Variants in MAP4K4 observed in about 807,000 individuals in gnomAD.
The protein encoded by MAP4K4 is mitogen-activated protein kinase kinase kinase kinase 4, also known as HPK/GCK-like kinase HGK.
In MAP4K4, 38 loss-of-function variants were observed where a neutral mutation model predicts 189.6. The ratio of observed to expected loss-of-function variants is 0.20; its 90% CI spans 0.15 to 0.26. The LOEUF is 0.26. Among genes scored for constraint, MAP4K4 ranks in the 10% least tolerant of loss-of-function variants. MAP4K4 has a pLI of 1.00. For missense variants in MAP4K4, 1,054 were observed against 1,726.9 expected, an observed-to-expected ratio of 0.61 and a Z score of 6.91; for synonymous variants, 610 against 624.3, an observed-to-expected ratio of 0.98 and a Z score of 0.34.
intron 18 of MAP4K4, among the ~76,000 whole-genome samples, chr2:101,865,755 C>T (rs1178175352): frequency 2.0e-5 from 3 of 152,172 alleles, no homozygotes; most frequent in Admixed American, 2.0e-4. Flanking sequence ...CATCACTGAA[C>T]CTCTAAAGTT....
chr2:101,834,286 C>T (rs890711512), intron 7 of MAP4K4, 123 bp from the exon 8 acceptor site: 58 of 519,982 alleles, frequency 1.1e-4, no homozygotes, highest in Non-Finnish European at 2.0e-4. Context: ...TGTGCTTGTA[C>T]TTTTAATTTT....
chr2:101,715,495 C>G (rs927919113), intron 2 of MAP4K4, among the ~76,000 whole-genome samples: 14 of 152,092 alleles, frequency 9.2e-5, no homozygotes, highest in African/African-American at 3.4e-4. Flanking sequence ...GGTAGAATAT[C>G]CCTTATCTGA....
At chr2:101,723,143 C>A (rs1574258848) in intron 2 of MAP4K4, among the ~76,000 whole-genome samples, 1 of 152,194 alleles carries the variant, frequency 6.6e-6, no homozygotes, top group Non-Finnish European at 1.5e-5. Flanking sequence ...ATCACGAGAA[C>A]AGCATGTGGG....
intron 3 of MAP4K4, among the ~76,000 whole-genome samples, chr2:101,804,806 G>GT (rs2094749665): frequency 6.6e-6 from 1 of 152,058 alleles, no homozygotes; most frequent in Non-Finnish European, 1.5e-5. Flanking sequence ...TTTGGGCCGG[G>GT]TGCGGTGGCT....
chr2:101,813,166 A>G (rs2095533340), intron 3 of MAP4K4, among the ~76,000 whole-genome samples: 1 of 152,220 alleles, frequency 6.6e-6, no homozygotes, highest in African/African-American at 2.4e-5. Flanking sequence ...TATATTATTG[A>G]CTTCCACTAT....
chr2:101,771,969 G>A (rs1319594515), intron 2 of MAP4K4, among the ~76,000 whole-genome samples: 2 of 152,160 alleles, frequency 1.3e-5, no homozygotes, highest in African/African-American at 4.8e-5. Flanking sequence ...TGTGGTCTAT[G>A]GTGGGTCAGC....
chr2:101,789,244 A>G (rs1345209786), intron 2 of MAP4K4, among the ~76,000 whole-genome samples: 1 of 152,244 alleles, frequency 6.6e-6, no homozygotes, highest in Non-Finnish European at 1.5e-5. Flanking sequence ...ACTTAATACT[A>G]TATCCTCTGA....
At chr2:101,731,391 CA>C (rs2058428346) in intron 2 of MAP4K4, among the ~76,000 whole-genome samples, 1 of 151,882 alleles carries the variant, frequency 6.6e-6, no homozygotes. Flanking sequence ...GCTGGGATTA[CA>C]GGTGTGAGCC....
Position 101,736,962 on chromosome 2 carries a change from A to T in MAP4K4, c.123+38424A>T, listed in dbSNP as rs76455901. ...TTTCTCTCTTTGACAACTCATTTGTACTATCACAGTATTACATACTTGCTC... is the reference window on the plus strand; with the variant it reads ...TTTCTCTCTTTGACAACTCATTTGTTCTATCACAGTATTACATACTTGCTC... On this transcript the variant is annotated intron_variant, in intron 2 of 32. Transcript: ENST00000324219. 4.5e-3 allele frequency among the ~76,000 whole-genome samples: 678 copies of T among 152,254 alleles called. 6 individuals carry two copies. In the East Asian group the frequency reaches 0.045, roughly 10 times the overall value.
At chr2:101,859,258 T>G (rs1028936477) in intron 14 of MAP4K4, among the ~76,000 whole-genome samples, 176 bp downstream of exon 14, 4 of 152,236 alleles carry the variant, frequency 2.6e-5, no homozygotes, top group African/African-American at 9.6e-5. Flanking sequence ...GGTCTTTATT[T>G]ATTTATATCT....
At chr2:101,743,804 C>T (rs1271878039) in intron 2 of MAP4K4, among the ~76,000 whole-genome samples, 5 of 152,054 alleles carry the variant, frequency 3.3e-5, no homozygotes, top group Non-Finnish European at 4.4e-5. Context: ...ACTACAGCCA[C>T]GCACCACCAC....
At chr2:101,697,949 C>T in exon 1 of MAP4K4, 1 of 323,314 alleles carries the variant, frequency 3.1e-6, no homozygotes, top group Non-Finnish European at 5.0e-6. Context: ...CCGCCCGCGG[C>T]CCCGCGAGGA....
intron 29 of MAP4K4, 131 bp from the exon 30 acceptor site, chr2:101,886,957 G>A (rs923080263): frequency 4.0e-5 from 24 of 601,636 alleles, no homozygotes; most frequent in Non-Finnish European, 5.5e-5. Flanking sequence ...CCTGGGAGGC[G>A]GAGCTTGCAG....
At position 101,802,837 on chromosome 2, in the gene MAP4K4, G is replaced by A. The variant is rs571188864; in HGVS notation, c.180+12061G>A. ...TTTTGCTCTTGTCACCCAGGCTGGCGTGCAATGGCGTGATCTCTGCTCACT... is the reference window on the plus strand; with the variant it reads ...TTTTGCTCTTGTCACCCAGGCTGGCATGCAATGGCGTGATCTCTGCTCACT... On this transcript the variant is annotated intron_variant, in intron 3 of 32. Coordinates refer to ENST00000324219, the Ensembl canonical transcript of MAP4K4. 5.3e-4 allele frequency among the ~76,000 whole-genome samples: 81 copies of A among 152,022 alleles called. 1 individual carries two copies. The highest frequency in any genetic ancestry group is 8.8e-5 in the Non-Finnish European group (6 of 67,962).
exon 15 of MAP4K4, chr2:101,859,747 G>A: frequency 1.2e-6 from 2 of 1,611,870 alleles, no homozygotes; most frequent in Non-Finnish European, 8.5e-7. Flanking sequence ...ATGACCATAG[G>A]AGGCCGCACC....
chr2:101,765,978 T>C lies in MAP4K4; in HGVS notation c.124-24742T>C, dbSNP rs138957423. ...TCATCTTTAAAAAAAATTAAAAAAA[T>C]TAAATGGAAATTTAAAAAGGTTACA... On this transcript the variant is annotated intron_variant, in intron 2 of 32. Transcript: ENST00000324219. Among the ~76,000 whole-genome samples, 248 of 152,260 alleles carry C rather than the reference T, an allele frequency of 1.6e-3. 2 individuals carry two copies. Among genetic ancestry groups the C allele is most frequent in the African/African-American group, 5.8e-3 (239 of 41,544 alleles).
Position 101,809,193 on chromosome 2 carries a change from T to G in MAP4K4, c.181-14735T>G, listed in dbSNP as rs141912151. On this transcript the variant is annotated intron_variant, in intron 3 of 32. Transcript: ENST00000324219. ...TGGTACACCTCTACAACTTTGAGCT[T>G]GTATATAGCGCGTATATATGTTATT... 1.5e-4 allele frequency among the ~76,000 whole-genome samples: 23 copies of G among 152,340 alleles called. No homozygotes were observed. In the East Asian group the frequency reaches 2.3e-3, roughly 15 times the overall value.
intron 10 of MAP4K4, among the ~76,000 whole-genome samples, chr2:101,841,415 C>T (rs144406061): frequency 4.2e-4 from 63 of 151,760 alleles, no homozygotes; most frequent in African/African-American, 1.4e-3. Context: ...CAAATTTGTA[C>T]GGAACCATAT....
rs569513641 is a variant in MAP4K4 at position 101,728,123 on chromosome 2, T to G, written c.123+29585T>G. The stretch of plus-strand genomic sequence containing the variant: ...CTTTAAGTACAGGCTAAGTAAGTAA[T>G]CTCCCTATTTCCCAGTCTAGAATGC... On this transcript the variant is annotated intron_variant, in intron 2 of 32. Transcript: ENST00000324219. Among the ~76,000 whole-genome samples the G allele has an allele frequency of 1.8e-4, 28 of 152,288 alleles. No individual in the cohort carries two copies. In the South Asian group the frequency reaches 5.8e-3, roughly 32 times the overall value.
Sources: gnomAD v4.1 joint callset for allele counts (sites outside exome capture counted in the v4.1 genomes callset) on GRCh38, gnomAD v4.1.1 for gene constraint, MANE v1.5 for transcripts, NCBI Gene and HGNC (gene_info 2026-07-23, HGNC 2026-07-21) for gene names.